Variants in PELI2 observed in about 807,000 individuals in gnomAD.
PELI2 encodes the protein pellino E3 ubiquitin protein ligase family member 2.
A neutral mutation model predicts 42.3 loss-of-function variants in PELI2; 23 were observed. The ratio of observed to expected loss-of-function variants is 0.54; its 90% confidence interval spans 0.39 to 0.77. PELI2 has a LOEUF of 0.77. Ranked by LOEUF, PELI2 falls within the 30% of genes least tolerant of loss-of-function variation. PELI2 has a pLI of 0.00. For synonymous variants in PELI2, 245 were observed against 212.2 expected (o/e 1.15, Z -1.34); for missense variants, 463 against 553.2 (o/e 0.84, Z 1.64).
intron 2 of PELI2, among the ~76,000 whole-genome samples, chr14:56,241,941 TAAAG>T (rs1566659660): frequency 2.6e-5 from 4 of 151,794 alleles, no homozygotes; most frequent in Admixed American, 6.6e-5. Context: ...GGGAGCAAAA[TAAAG>T]AGGAAGACAA....
intron 2 of PELI2, among the ~76,000 whole-genome samples, chr14:56,208,698 G>A (rs1414214884): frequency 6.6e-6 from 1 of 152,160 alleles, no homozygotes; most frequent in Non-Finnish European, 1.5e-5. Flanking sequence ...TATTATGCAT[G>A]ATGAAATGGG....
intron 2 of PELI2, among the ~76,000 whole-genome samples, chr14:56,259,385 G>A (rs1594692353): frequency 6.6e-6 from 1 of 152,082 alleles, no homozygotes; most frequent in Non-Finnish European, 1.5e-5. Flanking sequence ...TAATAATAAT[G>A]TATGGGGTTT....
intron 2 of PELI2, among the ~76,000 whole-genome samples, chr14:56,203,022 T>C (rs954387309): frequency 3.3e-5 from 5 of 152,164 alleles, no homozygotes; most frequent in African/African-American, 7.2e-5. Flanking sequence ...TTAAAGTACA[T>C]TTTTAAAACA....
At chr14:56,144,020 A>G (rs919413668) in intron 1 of PELI2, among the ~76,000 whole-genome samples, 2 of 152,216 alleles carry the variant, frequency 1.3e-5, no homozygotes, top group African/African-American at 4.8e-5. Flanking sequence ...ATGCTTGTAT[A>G]TACATCTATA....
At chr14:56,293,708 C>T (rs1434833074) in intron 5 of PELI2, among the ~76,000 whole-genome samples, 1 of 152,082 alleles carries the variant, frequency 6.6e-6, no homozygotes, top group Non-Finnish European at 1.5e-5. Context: ...GTGTGATGAG[C>T]ACAGTCATGA....
At chr14:56,296,521 C>G (rs945951652) in intron 5 of PELI2, 79 bp from the exon 6 acceptor site, 155 of 980,418 alleles carry the variant, frequency 1.6e-4, no homozygotes, top group Non-Finnish European at 2.3e-4. Flanking sequence ...TATTTTTTTG[C>G]TTGTTCTGAG....
chr14:56,133,927 T>C (rs998748111), intron 1 of PELI2, among the ~76,000 whole-genome samples: 1 of 152,250 alleles, frequency 6.6e-6, no homozygotes, highest in African/African-American at 2.4e-5. Flanking sequence ...CTTATAAGGA[T>C]GTCTTCTTCC....
In PELI2 at chr14:56,207,529, C is replaced by G. The variant is rs1290754700; in HGVS notation, c.207+29065C>G. Among the ~76,000 whole-genome samples, 4 of 152,160 alleles carry G rather than the reference C, an allele frequency of 2.6e-5. No individual in the cohort carries two copies. The East Asian group carries it at 7.7e-4, about 29-fold the overall frequency. On this transcript the variant is annotated intron_variant, in intron 2 of 5. Coordinates refer to ENST00000267460, the MANE Select transcript of PELI2 (RefSeq NM_021255.3). ...TATATTAGGAACAGGAGCCAACTTT[C>G]TAGCATGTTCATTTTCCTTTAGCAA...
intron 1 of PELI2, among the ~76,000 whole-genome samples, chr14:56,131,672 C>T (rs1347064530): frequency 6.6e-6 from 1 of 152,192 alleles, no homozygotes; most frequent in African/African-American, 2.4e-5. Flanking sequence ...TATTAAAAGA[C>T]AGCACAGCTC....
intron 2 of PELI2, among the ~76,000 whole-genome samples, chr14:56,220,334 G>A: frequency 6.6e-6 from 1 of 152,130 alleles, no homozygotes; most frequent in East Asian, 1.9e-4. Context: ...ATGACAATCT[G>A]GCCGGAAGCT....
chr14:56,140,323 C>G (rs1301639787), intron 1 of PELI2, among the ~76,000 whole-genome samples: 5 of 152,190 alleles, frequency 3.3e-5, no homozygotes, highest in Admixed American at 3.3e-4. Context: ...TGAATTACAA[C>G]CATATCTATG....
intron 2 of PELI2, among the ~76,000 whole-genome samples, chr14:56,235,331 C>A (rs1887751845): frequency 6.6e-6 from 1 of 152,304 alleles, no homozygotes; most frequent in African/African-American, 2.4e-5. Context: ...GATATATCCC[C>A]CCAAAATTTG....
intron 2 of PELI2, among the ~76,000 whole-genome samples, chr14:56,252,580 A>G (rs1317554808): frequency 6.6e-6 from 1 of 152,168 alleles, no homozygotes; most frequent in Non-Finnish European, 1.5e-5. Context: ...TGGGTTAAGG[A>G]GCAGGAAGTT....
intron 1 of PELI2, among the ~76,000 whole-genome samples, chr14:56,153,457 C>G (rs770924600): frequency 2.6e-5 from 4 of 152,116 alleles, no homozygotes; most frequent in Non-Finnish European, 5.9e-5. Flanking sequence ...TTGACATTGC[C>G]TGATTCATGG....
At chr14:56,222,646 A>G (rs143753753) in intron 2 of PELI2, among the ~76,000 whole-genome samples, 14 of 152,342 alleles carry the variant, frequency 9.2e-5, no homozygotes, top group East Asian at 5.8e-4. Flanking sequence ...AAAGCTTAAG[A>G]GGATAGGGAG....
intron 2 of PELI2, among the ~76,000 whole-genome samples, chr14:56,270,993 T>A (rs1351475024): frequency 6.6e-6 from 1 of 152,220 alleles, no homozygotes; most frequent in Non-Finnish European, 1.5e-5. Flanking sequence ...CAGTTTGATA[T>A]AAATGTTTCT....
chr14:56,208,871 A>T (rs567058989), intron 2 of PELI2, among the ~76,000 whole-genome samples: 48 of 152,346 alleles, frequency 3.2e-4, no homozygotes, highest in Admixed American at 1.2e-3. Flanking sequence ...AGACTTGGGT[A>T]TTTGGCAACC....
intron 1 of PELI2, among the ~76,000 whole-genome samples, chr14:56,156,371 T>C (rs2139631467): frequency 6.6e-6 from 1 of 152,228 alleles, no homozygotes; most frequent in East Asian, 1.9e-4. Context: ...AATTACCAGT[T>C]AGAGAGAAAA....
intron 3 of PELI2, among the ~76,000 whole-genome samples, chr14:56,283,400 G>C (rs1889543302): frequency 6.6e-6 from 1 of 152,192 alleles, no homozygotes; most frequent in South Asian, 2.1e-4. Flanking sequence ...CCACTGCTTT[G>C]AATCATGCCA....
Sources: allele counts gnomAD v4.1 joint callset (sites outside exome capture counted in the v4.1 genomes callset), GRCh38; gene constraint gnomAD v4.1.1; transcripts MANE v1.5; gene names NCBI Gene and HGNC (gene_info 2026-07-23, HGNC 2026-07-21).